Variants in SORCS1 observed in about 807,000 individuals in gnomAD.
The protein encoded by SORCS1 is sortilin related VPS10 domain containing receptor 1, also known as VPS10 domain-containing receptor SorCS1.
In SORCS1, 60 loss-of-function variants were observed where a neutral mutation model predicts 146.1. That is an observed-to-expected ratio of 0.41 (90% CI 0.33 to 0.51). SORCS1 has a LOEUF of 0.51. Among genes scored for constraint, SORCS1 ranks in the 20% least tolerant of loss-of-function variants. The pLI is 0.21. For missense variants in SORCS1, 1,352 were observed against 1,487.6 expected, an observed-to-expected ratio of 0.91 and a Z score of 1.50; for synonymous variants, 637 against 584.0, an observed-to-expected ratio of 1.09 and a Z score of -1.31.
intron 3 of SORCS1, among the ~76,000 whole-genome samples, chr10:106,800,034 G>A (rs2136629626): frequency 6.6e-6 from 1 of 152,222 alleles, no homozygotes; most frequent in African/African-American, 2.4e-5. Flanking sequence ...TGGTTATAGA[G>A]ATCAAGCAGG....
chr10:106,780,811 A>G (rs1860829821), intron 3 of SORCS1, among the ~76,000 whole-genome samples: 1 of 152,148 alleles, frequency 6.6e-6, no homozygotes, highest in Admixed American at 6.6e-5. Context: ...CTGCAGATGA[A>G]TTGTTTCCAT....
intron 5 of SORCS1, among the ~76,000 whole-genome samples, chr10:106,736,827 C>T (rs1177844874): frequency 6.6e-6 from 1 of 152,072 alleles, no homozygotes; most frequent in Admixed American, 6.6e-5. Context: ...CATTGGTTCT[C>T]CAGAACCAAA....
chr10:106,912,150 G>C (rs928256302), intron 2 of SORCS1, among the ~76,000 whole-genome samples: 7 of 151,592 alleles, frequency 4.6e-5, no homozygotes, highest in South Asian at 2.1e-4. Flanking sequence ...ACAAAAAAAG[G>C]CTGCTCAGAA....
In SORCS1 at chr10:106,650,647, C is replaced by T. The variant is rs368970038; in HGVS notation, c.2475+1735G>A. ...CTCCCAAGCCTTGTGAGTTTATTAACACCTGTTTAGCCAACACTTTCTACT... is the reference window on the plus strand; with the variant it reads ...CTCCCAAGCCTTGTGAGTTTATTAATACCTGTTTAGCCAACACTTTCTACT... On this transcript the variant is annotated intron_variant, in intron 18 of 25. Coordinates refer to ENST00000263054, the MANE Select transcript of SORCS1 (RefSeq NM_052918.5). Among the ~76,000 whole-genome samples the T allele has an allele frequency of 4.3e-4, 65 of 152,246 alleles. No homozygotes were observed. The South Asian group carries it at 0.013, about 30-fold the overall frequency.
At chr10:107,079,321 G>A (rs1412344194) in intron 1 of SORCS1, among the ~76,000 whole-genome samples, 1 of 152,060 alleles carries the variant, frequency 6.6e-6, no homozygotes, top group East Asian at 1.9e-4. Flanking sequence ...TTCTTTGGAA[G>A]AGTTCCATGG....
intron 23 of SORCS1, among the ~76,000 whole-genome samples, chr10:106,602,467 A>G (rs1249309381): frequency 6.6e-6 from 1 of 151,658 alleles, no homozygotes; most frequent in Non-Finnish European, 1.5e-5. Context: ...CAATGGAGCC[A>G]AATACTAAAT....
At chr10:107,096,821 T>C (rs866732645) in intron 1 of SORCS1, among the ~76,000 whole-genome samples, 2 of 152,186 alleles carry the variant, frequency 1.3e-5, no homozygotes, top group South Asian at 4.1e-4. Context: ...CCTATCAATA[T>C]TCTTAAAGGC....
At chr10:106,888,628 T>TTCTA (rs1372615952) in intron 2 of SORCS1, among the ~76,000 whole-genome samples, 10 of 152,226 alleles carry the variant, frequency 6.6e-5, no homozygotes, top group African/African-American at 2.4e-4. Flanking sequence ...CTTCACAGGT[T>TTCTA]TCTATTCCGT....
At chr10:106,931,571 T>C (rs1265766501) in intron 2 of SORCS1, among the ~76,000 whole-genome samples, 1 of 152,232 alleles carries the variant, frequency 6.6e-6, no homozygotes, top group Non-Finnish European at 1.5e-5. Flanking sequence ...TTTGCTCGTT[T>C]GTAACTCCTG....
intron 3 of SORCS1, among the ~76,000 whole-genome samples, chr10:106,803,496 G>C (rs1370458321): frequency 6.6e-6 from 1 of 152,164 alleles, no homozygotes; most frequent in Admixed American, 6.5e-5. Flanking sequence ...GTACATTTGA[G>C]TGATTAGATT....
At chr10:106,756,964 G>C (rs1042125261) in intron 5 of SORCS1, among the ~76,000 whole-genome samples, 4 of 152,120 alleles carry the variant, frequency 2.6e-5, no homozygotes, top group African/African-American at 4.8e-5. Flanking sequence ...CAGGGAGATG[G>C]ATTTGAGACT....
At chr10:107,051,739 T>C (rs1590024783) in intron 1 of SORCS1, among the ~76,000 whole-genome samples, 1 of 152,248 alleles carries the variant, frequency 6.6e-6, no homozygotes, top group Middle Eastern at 3.4e-3. Context: ...TTCAGATACA[T>C]TAATAATTTA....
chr10:106,895,843 G>A (rs1310015131), intron 2 of SORCS1, among the ~76,000 whole-genome samples: 1 of 151,428 alleles, frequency 6.6e-6, no homozygotes, highest in East Asian at 1.9e-4. Flanking sequence ...AGCAACAATA[G>A]CCAACAATAG....
chr10:106,908,327 T>C (rs1269441365), intron 2 of SORCS1, among the ~76,000 whole-genome samples: 1 of 152,186 alleles, frequency 6.6e-6, no homozygotes, highest in Non-Finnish European at 1.5e-5. Context: ...GTTTTTACCA[T>C]TGAGTTGTTC....
At chr10:106,856,418 C>T (rs1486880538) in intron 2 of SORCS1, among the ~76,000 whole-genome samples, 2 of 152,206 alleles carry the variant, frequency 1.3e-5, no homozygotes, top group African/African-American at 4.8e-5. Flanking sequence ...GTGCTTCTCA[C>T]ATTTCTTCCC....
At chr10:106,696,916 G>A (rs1853746415) in intron 9 of SORCS1, among the ~76,000 whole-genome samples, 2 of 152,178 alleles carry the variant, frequency 1.3e-5, no homozygotes, top group African/African-American at 2.4e-5. Flanking sequence ...GGATAATCAG[G>A]AAGGGGAAAA....
chr10:106,608,037 C>T (rs1846728994), intron 22 of SORCS1, among the ~76,000 whole-genome samples: 1 of 152,220 alleles, frequency 6.6e-6, no homozygotes, highest in Admixed American at 6.5e-5. Flanking sequence ...CTCTCTTGAG[C>T]TTATACCCCA....
chr10:106,760,669 A>C lies in SORCS1; in HGVS notation c.959+919T>G, dbSNP rs571608079. Among the ~76,000 whole-genome samples, 9 of 150,478 alleles carry C rather than the reference A, an allele frequency of 6.0e-5. No homozygotes were observed. The East Asian group carries it at 1.8e-3, about 30-fold the overall frequency. The stretch of plus-strand genomic sequence containing the variant: ...TATGGTATTCTGTTACGGCAACCCA[A>C]GCAAAGTAAGACTACATACACACAA... On this transcript the variant is annotated intron_variant, in intron 5 of 25. Coordinates refer to ENST00000263054, the MANE Select transcript of SORCS1 (RefSeq NM_052918.5).
chr10:106,602,335 A>C (rs1846290343), intron 23 of SORCS1, among the ~76,000 whole-genome samples: 1 of 152,170 alleles, frequency 6.6e-6, no homozygotes, highest in African/African-American at 2.4e-5. Context: ...TCAGTTGGTC[A>C]GTCTTGATTC....
Sources: gnomAD v4.1 joint callset for allele counts (sites outside exome capture counted in the v4.1 genomes callset) on GRCh38, gnomAD v4.1.1 for gene constraint, MANE v1.5 for transcripts, NCBI Gene and HGNC (gene_info 2026-07-23, HGNC 2026-07-21) for gene names.